PAPOLG: variants seen among roughly 807,000 people sequenced by gnomAD.
PAPOLG encodes PAP-gamma.
A neutral mutation model predicts 99.0 loss-of-function variants in PAPOLG; 40 were observed. The observed-to-expected ratio is 0.40, with a 90% CI of 0.31 to 0.53. PAPOLG has a LOEUF of 0.53. Ranked by LOEUF, PAPOLG falls within the 20% of genes least tolerant of loss-of-function variation. The pLI is 0.41. For missense variants in PAPOLG, 675 were observed against 884.1 expected, an observed-to-expected ratio of 0.76 and a Z score of 3.00; for synonymous variants, 310 against 299.3, an observed-to-expected ratio of 1.04 and a Z score of -0.37.
chr2:60,774,092 T>C (rs1670937576), intron 7 of PAPOLG, among the ~76,000 whole-genome samples: 1 of 147,322 alleles, frequency 6.8e-6, no homozygotes, highest in Non-Finnish European at 1.5e-5. Context: ...CATGTGTTTT[T>C]TGTTTTTTGT....
chr2:60,783,110 C>T (rs755491086), intron 12 of PAPOLG, 46 bp from the exon 13 acceptor site: 4 of 1,504,384 alleles, frequency 2.7e-6, no homozygotes, highest in Non-Finnish European at 3.6e-6. Flanking sequence ...CAGGCTGTAA[C>T]AATTTTTCTG....
intron 15 of PAPOLG, among the ~76,000 whole-genome samples, chr2:60,789,525 C>T (rs1245671655): frequency 5.9e-5 from 9 of 152,074 alleles, no homozygotes; most frequent in African/African-American, 7.2e-5. Flanking sequence ...TGTCAACCAC[C>T]GCACCTGGCC....
intron 15 of PAPOLG, among the ~76,000 whole-genome samples, chr2:60,788,662 A>T (rs577323686): frequency 6.6e-6 from 1 of 152,116 alleles, no homozygotes; most frequent in Non-Finnish European, 1.5e-5. Flanking sequence ...AGCTCTTTGT[A>T]TGTACAACCG....
chr2:60,780,795 T>C lies in PAPOLG; in HGVS notation c.906+16T>C. The C allele has an allele frequency of 1.9e-6, 3 of 1,581,352 alleles. No homozygotes were observed. The highest frequency in any genetic ancestry group is 1.3e-5 in the African/African-American group (1 of 74,258). ...GGATCCTCGGGTATGTGATTTATTA[T>C]GGAGTTTCTTTAAAGCTTTTAAGGA... On this transcript the variant is annotated intron_variant, in intron 10 of 21. Coordinates refer to ENST00000238714, the MANE Select transcript of PAPOLG (RefSeq NM_022894.4).
At chr2:60,771,672 A>C (rs765514905) in intron 7 of PAPOLG, 42 bp downstream of exon 7, 9 of 1,571,646 alleles carry the variant, frequency 5.7e-6, no homozygotes, top group Middle Eastern at 2.3e-4. Context: ...GCTTCAGAAC[A>C]ATTAGAGAAA....
chr2:60,772,396 G>A (rs1461074654), intron 7 of PAPOLG, among the ~76,000 whole-genome samples: 10 of 150,834 alleles, frequency 6.6e-5, no homozygotes, highest in East Asian at 1.9e-4. Context: ...GCAGTGAGCC[G>A]TGATTACGCC....
At chr2:60,768,674 T>G (rs1414086689) in intron 4 of PAPOLG, 107 bp from the exon 5 acceptor site, 4 of 1,338,044 alleles carry the variant, frequency 3.0e-6, no homozygotes, top group Non-Finnish European at 4.1e-6. Context: ...GTTAACATTT[T>G]CTTGTACTCA....
At chr2:60,766,841 C>T (rs1670691778) in intron 3 of PAPOLG, among the ~76,000 whole-genome samples, 1 of 152,030 alleles carries the variant, frequency 6.6e-6, no homozygotes, top group African/African-American at 2.4e-5. Context: ...GATAAGAAGA[C>T]AAGGCAAGAA....
At position 60,768,852 on chromosome 2, in the gene PAPOLG, G is replaced by A; in HGVS notation, c.400G>A (p.Glu134Lys). ...ERSDFFQSFFEKLKHQDGIRN... is the reference protein window; with the variant it reads ...ERSDFFQSFFKKLKHQDGIRN... ...ATCTGATTTTTTTCAGTCTTTTTTT[G>A]AAAAATTGAAACATCAAGATGGCAT... Residue 134 changes from glutamate to lysine, a missense_variant, in exon 5 of 22, where the codon GAA becomes AAA. Physicochemically the swap from Glu to Lys is moderately conservative, Grantham distance 56 (BLOSUM62 1). Around this residue, in one of 3 missense-constraint regions of PAPOLG, gnomAD observed 149 missense variants for 192.1 expected, o/e 0.78. Coordinates refer to ENST00000238714, the MANE Select transcript of PAPOLG (RefSeq NM_022894.4). The A allele has an allele frequency of 6.3e-7, 1 of 1,599,782 alleles. No individual in the cohort carries two copies. Among genetic ancestry groups the A allele is most frequent in the South Asian group, 1.1e-5 (1 of 88,470 alleles).
At chr2:60,780,621 A>G in intron 9 of PAPOLG, 86 bp from the exon 10 acceptor site, 1 of 1,357,892 alleles carries the variant, frequency 7.4e-7, no homozygotes, top group Non-Finnish European at 1.0e-6. Flanking sequence ...ACTCTGTAGA[A>G]GGTTAGAACA....
intron 8 of PAPOLG, among the ~76,000 whole-genome samples, chr2:60,775,798 T>C (rs1670998365): frequency 6.6e-6 from 1 of 151,806 alleles, no homozygotes; most frequent in Non-Finnish European, 1.5e-5. Context: ...GGAGTCTTGC[T>C]CTGTCGCCAA....
At chr2:60,775,171 C>T (rs1670979100) in intron 8 of PAPOLG, 48 bp downstream of exon 8, 1 of 1,562,962 alleles carries the variant, frequency 6.4e-7, no homozygotes, top group Non-Finnish European at 8.6e-7. Context: ...TTCTAATTTT[C>T]TCTTGCCAGT....
At chr2:60,795,661 AATAT>A (rs1208637968) in intron 21 of PAPOLG, among the ~76,000 whole-genome samples, 1 of 145,140 alleles carries the variant, frequency 6.9e-6, no homozygotes, top group East Asian at 1.9e-4. Flanking sequence ...AATAATTATA[AATAT>A]ATATGATGAT....
rs1363597403 is a variant in PAPOLG, at chr2:60,785,144, TTG to T, written c.1167-1801_1167-1800del. Among the ~76,000 whole-genome samples the T allele has an allele frequency of 9.9e-5, 15 of 152,256 alleles. No homozygotes were observed. In the South Asian group the frequency reaches 3.1e-3, roughly 32 times the overall value. On this transcript the variant is annotated intron_variant, in intron 13 of 21. Transcript: ENST00000238714. ...ATTTAGTGAATTCTTTTTTTGTTTT[TTG>T]TTTTTTTTTTGATATGGAGTCTTGC...
chr2:60,761,127 CT>C (rs1210708689), intron 2 of PAPOLG, among the ~76,000 whole-genome samples: 1 of 152,092 alleles, frequency 6.6e-6, no homozygotes, highest in African/African-American at 2.4e-5. Context: ...GTCTTGGCAC[CT>C]TGAAGGATGG....
intron 13 of PAPOLG, among the ~76,000 whole-genome samples, chr2:60,783,505 T>A (rs987032573): frequency 1.7e-5 from 2 of 120,242 alleles, no homozygotes; most frequent in African/African-American, 6.3e-5. Context: ...CCGGCCTTTT[T>A]TTTTTTTTTT....
chr2:60,780,752 T>G lies in PAPOLG; in HGVS notation c.879T>G (p.Asn293Lys). Residue 293 changes from asparagine to lysine, a missense_variant, in exon 10 of 22, where the codon AAT becomes AAG. Asn to Lys is a moderately conservative substitution (Grantham distance 94, BLOSUM62 0). Around this residue, in one of 3 missense-constraint regions of PAPOLG, gnomAD observed 113 missense variants for 231.5 expected, o/e 0.49. Coordinates refer to ENST00000238714, the MANE Select transcript of PAPOLG (RefSeq NM_022894.4). ...TGCTGAAGCAACCAGAAGAAAGCAA[T>G]TTGAATTTGCCTGTCTGGGATCCTC... is the stretch of plus-strand genomic sequence containing the variant. ...PVLLKQPEES[N>K]LNLPVWDPRV... The G allele has an allele frequency of 6.2e-7, 1 of 1,613,970 alleles. No individual in the cohort carries two copies. The highest frequency in any genetic ancestry group is 1.3e-5 in the African/African-American group (1 of 75,032).
chr2:60,796,494 C>T (rs1004457789), intron 21 of PAPOLG, among the ~76,000 whole-genome samples: 1 of 152,104 alleles, frequency 6.6e-6, no homozygotes, highest in Non-Finnish European at 1.5e-5. Flanking sequence ...TCCCTCAAAC[C>T]GATGTCCCTG....
chr2:60,768,828 T>G lies in PAPOLG; in HGVS notation c.376T>G (p.Ser126Ala). 6.2e-7 allele frequency: 1 copy of G among 1,601,574 alleles called. No homozygotes were observed. The highest frequency in any genetic ancestry group is 1.1e-5 in the South Asian group (1 of 88,762). Residue 126 changes from serine (S) to alanine (A), a missense_variant, in exon 5 of 22, where the codon TCT becomes GCT. Around this residue, in one of 3 missense-constraint regions of PAPOLG, gnomAD observed 149 missense variants for 192.1 expected, o/e 0.78. Transcript: ENST00000238714. Reference sequence around the variant, plus strand: ...TGTAGCTCCAAGACATGTGGAAAGATCTGATTTTTTTCAGTCTTTTTTTGA... The same window carrying G: ...TGTAGCTCCAAGACATGTGGAAAGAGCTGATTTTTTTCAGTCTTTTTTTGA... ...LCVAPRHVER[S>A]DFFQSFFEKL...
Sources: gnomAD v4.1 joint callset for allele counts (sites outside exome capture counted in the v4.1 genomes callset) on GRCh38, gnomAD v4.1.1 for gene constraint, gnomAD v4.1.1 regional missense constraint, MANE v1.5 for transcripts, NCBI Gene and HGNC (gene_info 2026-07-23, HGNC 2026-07-21) for gene names.